LGR6: variants seen among roughly 807,000 people sequenced by gnomAD.
LGR6 encodes leucine-rich repeat-containing G protein-coupled receptor 6.
LGR6 carries 45 observed loss-of-function variants against 69.4 expected under a neutral mutation model. The observed-to-expected ratio is 0.65, with a 90% CI of 0.51 to 0.83. The LOEUF is 0.83. LGR6 is among the 40% of genes least tolerant of loss of function. The probability of loss-of-function intolerance (pLI) is 0.00; values close to 1 mark genes in which losing one functional copy is unlikely to be tolerated. For missense variants in LGR6, 1,108 were observed against 1,246.7 expected, an observed-to-expected ratio of 0.89 and a Z score of 1.68; for synonymous variants, 538 against 555.0, an observed-to-expected ratio of 0.97 and a Z score of 0.43.
At chr1:202,241,593 C>T (rs1662210821) in intron 4 of LGR6, among the ~76,000 whole-genome samples, 1 of 151,944 alleles carries the variant, frequency 6.6e-6, no homozygotes, top group Non-Finnish European at 1.5e-5. Context: ...ACATGTCATG[C>T]CAGGCTTGAG....
intron 1 of LGR6, among the ~76,000 whole-genome samples, chr1:202,209,380 C>T (rs1024092021): frequency 3.9e-5 from 6 of 152,338 alleles, no homozygotes; most frequent in Non-Finnish European, 7.3e-5. Context: ...TCCACACATC[C>T]ACTCAGCCTG....
intron 11 of LGR6, 22 bp downstream of exon 11, chr1:202,304,652 A>G (rs1444414600): frequency 4.4e-6 from 7 of 1,594,332 alleles, no homozygotes; most frequent in Non-Finnish European, 6.0e-6. Context: ...CAAGAATTCT[A>G]CAGTCTTGGC....
chr1:202,208,589 C>A (rs1659344701), intron 1 of LGR6, among the ~76,000 whole-genome samples: 1 of 151,908 alleles, frequency 6.6e-6, no homozygotes, highest in Non-Finnish European at 1.5e-5. Context: ...AACAAGGCCC[C>A]CCATTAACTA....
intron 1 of LGR6, among the ~76,000 whole-genome samples, chr1:202,198,668 G>GTTTT (rs56275558): frequency 1.6e-5 from 2 of 127,672 alleles, no homozygotes; most frequent in African/African-American, 3.0e-5. Flanking sequence ...GTAATTTTAG[G>GTTTT]TTTTTTTTTT....
intron 1 of LGR6, among the ~76,000 whole-genome samples, chr1:202,200,842 G>A (rs899246184): frequency 6.6e-6 from 1 of 152,148 alleles, no homozygotes; most frequent in African/African-American, 2.4e-5. Context: ...AGGACATGGT[G>A]GGGGGAGAGC....
At chr1:202,214,330 G>C in intron 1 of LGR6, 1 of 1,296,008 alleles carries the variant, frequency 7.7e-7, no homozygotes, top group South Asian at 1.5e-5. Flanking sequence ...GCGACGGGTG[G>C]GGCGCTACCC....
rs1016252131 is a variant in LGR6 at position 202,268,621 on chromosome 1, A to G, written c.429-7685A>G. Among the ~76,000 whole-genome samples, 1 of 152,166 alleles carries G rather than the reference A, an allele frequency of 6.6e-6. No individual in the cohort carries two copies. The highest frequency in any genetic ancestry group is 2.4e-5 in the African/African-American group (1 of 41,426). ...GTAGCCAAGTAGGGGTGGGGGGTTC[A>G]GAGATGAAAACCAGCCCTGGGGTCG... On this transcript the variant is annotated intron_variant, in intron 4 of 17. Transcript: ENST00000367278. The surrounding 1 kb of genome is among the most constrained non-coding windows in gnomAD (Gnocchi z 4.4).
chr1:202,301,015 C>T, intron 8 of LGR6, 95 bp downstream of exon 8: 1 of 1,324,156 alleles, frequency 7.6e-7, no homozygotes, highest in Admixed American at 1.7e-5. Flanking sequence ...CTAGGAAGCA[C>T]CAGGGAGGCA....
At chr1:202,289,510 G>C (rs553027541) in intron 6 of LGR6, among the ~76,000 whole-genome samples, 1 of 152,300 alleles carries the variant, frequency 6.6e-6, no homozygotes, top group African/African-American at 2.4e-5. Context: ...GCTTCAGGTA[G>C]ATTCTGAATT....
chr1:202,260,869 G>A (rs1000645495), intron 4 of LGR6, among the ~76,000 whole-genome samples: 10 of 152,068 alleles, frequency 6.6e-5, no homozygotes, highest in South Asian at 2.1e-4. Flanking sequence ...GACATGCAGT[G>A]TGCCAGGAAA....
intron 16 of LGR6, among the ~76,000 whole-genome samples, chr1:202,311,218 G>A (rs554475622): frequency 2.6e-5 from 4 of 152,158 alleles, no homozygotes; most frequent in South Asian, 4.1e-4. Flanking sequence ...ATAAACAAAC[G>A]AAAAATCAAA....
chr1:202,301,053 G>T, intron 8 of LGR6, 111 bp from the exon 9 acceptor site: 1 of 1,334,808 alleles, frequency 7.5e-7, no homozygotes, highest in South Asian at 1.2e-5. Flanking sequence ...GCCTTTCCCT[G>T]CATGTTCTTT....
At chr1:202,266,394 G>C (rs1210912853) in intron 4 of LGR6, among the ~76,000 whole-genome samples, 3 of 152,138 alleles carry the variant, frequency 2.0e-5, no homozygotes, top group African/African-American at 7.2e-5. Context: ...CCTGGAGAGA[G>C]GAAAGGGACT....
chr1:202,289,242 A>G (rs944255425), intron 6 of LGR6, among the ~76,000 whole-genome samples: 1 of 152,220 alleles, frequency 6.6e-6, no homozygotes, highest in Non-Finnish European at 1.5e-5. Flanking sequence ...TAATCTGCAG[A>G]GTGGCCCAAC....
chr1:202,227,840 G>A (rs753680419), intron 2 of LGR6, 96 bp from the exon 3 acceptor site: 7 of 806,950 alleles, frequency 8.7e-6, no homozygotes, highest in African/African-American at 5.1e-5. Flanking sequence ...TTTTACCACC[G>A]CCCTCCCTTC....
chr1:202,284,926 G>C (rs1189767811), intron 6 of LGR6, among the ~76,000 whole-genome samples: 1 of 152,162 alleles, frequency 6.6e-6, no homozygotes, highest in East Asian at 1.9e-4. Flanking sequence ...AACAAATCAG[G>C]CCCAACTGGA....
chr1:202,203,706 T>TA, intron 1 of LGR6: 1 of 1,100,316 alleles, frequency 9.1e-7, no homozygotes, highest in Non-Finnish European at 1.4e-6. Flanking sequence ...CAGGGCCAGA[T>TA]ACTGCGTAGC....
At chr1:202,215,477 A>G (rs1235600754) in intron 1 of LGR6, among the ~76,000 whole-genome samples, 3 of 152,136 alleles carry the variant, frequency 2.0e-5, no homozygotes, top group Non-Finnish European at 2.9e-5. Context: ...ATTCACGCCC[A>G]CATACCTCCA....
intron 5 of LGR6, among the ~76,000 whole-genome samples, chr1:202,277,876 T>G (rs1665706826): frequency 6.6e-6 from 1 of 151,300 alleles, no homozygotes. Context: ...GACCTGGGCC[T>G]GGAAAGATGA....
Sources: allele counts gnomAD v4.1 joint callset (sites outside exome capture counted in the v4.1 genomes callset), GRCh38; gene constraint gnomAD v4.1.1; non-coding constraint Gnocchi (gnomAD v3.1); transcripts MANE v1.5; gene names NCBI Gene and HGNC (gene_info 2026-07-23, HGNC 2026-07-21).